Variants in SPIB observed in about 807,000 individuals in gnomAD.
SPIB encodes transcription factor Spi-B.
A neutral mutation model predicts 31.9 loss-of-function variants in SPIB; 7 were observed. The ratio of observed to expected loss-of-function variants is 0.22; its 90% CI spans 0.12 to 0.41. SPIB has a LOEUF of 0.41. SPIB is among the 10% of genes least tolerant of loss of function. SPIB has a pLI of 1.00. For synonymous variants in SPIB, 176 were observed against 158.9 expected, an observed-to-expected ratio of 1.11 and a Z score of -0.81; for missense variants, 327 against 360.2, an observed-to-expected ratio of 0.91 and a Z score of 0.75.
At chr19:50,422,131 C>T (rs2039503258) in intron 2 of SPIB, among the ~76,000 whole-genome samples, 1 of 152,200 alleles carries the variant, frequency 6.6e-6, no homozygotes, top group Non-Finnish European at 1.5e-5. Flanking sequence ...ACCTCCGGAG[C>T]CCCCAGGCAG....
At chr19:50,426,001 G>C (rs1467785658) in intron 5 of SPIB, among the ~76,000 whole-genome samples, 3 of 152,080 alleles carry the variant, frequency 2.0e-5, no homozygotes, top group Non-Finnish European at 4.4e-5. Context: ...CTAACGTCAG[G>C]AGTTCAAGAC....
Position 50,429,657 on chromosome 19 carries a change from G to A in SPIB, c.*1321G>A. Reference sequence around the variant, plus strand: ...AGGAAGTAGGAGGCTGTAGTGAGCTGTAATCGTGCCACTGCACTCCAGCCT... The same window carrying A: ...AGGAAGTAGGAGGCTGTAGTGAGCTATAATCGTGCCACTGCACTCCAGCCT... On this transcript the variant is annotated 3_prime_UTR_variant, in exon 6 of 6. Coordinates refer to ENST00000595883, the MANE Select transcript of SPIB (RefSeq NM_003121.5). 6.6e-6 allele frequency: 1 copy of A among 152,372 alleles called. No homozygotes were observed. Among genetic ancestry groups the A allele is most frequent in the Non-Finnish European group, 1.5e-5 (1 of 68,122 alleles). The allele number at this position is 152,372 out of a possible 1,614,324, so 9.4% of individuals were successfully genotyped here.
chr19:50,423,132 G>C, intron 4 of SPIB, 95 bp downstream of exon 4: 1 of 627,878 alleles, frequency 1.6e-6, no homozygotes, highest in Non-Finnish European at 2.7e-6. Flanking sequence ...GGTGGGAGGA[G>C]GATTGCTTGA....
chr19:50,422,777 G>T, intron 3 of SPIB, 46 bp from the exon 4 acceptor site: 2 of 1,304,210 alleles, frequency 1.5e-6, no homozygotes, highest in Non-Finnish European at 2.2e-6. Context: ...CTGCGAGGAG[G>T]CCTCCGTGAG....
intron 2 of SPIB, 86 bp downstream of exon 2, chr19:50,420,059 C>T: frequency 8.4e-7 from 1 of 1,183,510 alleles, no homozygotes; most frequent in African/African-American, 1.6e-5. Context: ...CTCAGTTTCC[C>T]CTCCCACCTC....
At chr19:50,426,492 G>GTTTTA (rs993340797) in intron 5 of SPIB, among the ~76,000 whole-genome samples, 22 of 152,062 alleles carry the variant, frequency 1.4e-4, no homozygotes, top group Non-Finnish European at 3.2e-4. Flanking sequence ...CTTTTATTTA[G>GTTTTA]TTTTATTTTA....
Sources: gnomAD v4.1 joint callset for allele counts (sites outside exome capture counted in the v4.1 genomes callset) on GRCh38, gnomAD v4.1.1 for gene constraint, MANE v1.5 for transcripts, NCBI Gene and HGNC (gene_info 2026-07-23, HGNC 2026-07-21) for gene names.